The following IL1RN variants were observed in gnomAD, a reference collection of about 807,000 sequenced individuals.
IL1RN encodes interleukin-1 receptor antagonist protein.
IL1RN carries 10 observed loss-of-function variants against 13.7 expected under a neutral mutation model. The ratio of observed to expected loss-of-function variants is 0.73; its 90% confidence interval spans 0.45 to 1.24. The LOEUF (loss-of-function observed/expected upper bound fraction) is 1.24. Ranked by LOEUF, IL1RN falls within the 50% of genes most tolerant of loss-of-function variation. The pLI is 0.00. For synonymous variants in IL1RN, 102 were observed against 82.7 expected (o/e 1.23, Z -1.27); for missense variants, 213 against 222.1 (o/e 0.96, Z 0.26).
upstream of IL1RN, among the ~76,000 whole-genome samples, chr2:113,113,540 T>C (rs1264362511): frequency 2.0e-5 from 3 of 152,118 alleles, no homozygotes; most frequent in South Asian, 2.1e-4. Context: ...CTGTATTGTA[T>C]ACTTAAAATT....
upstream of IL1RN, among the ~76,000 whole-genome samples, chr2:113,109,154 C>T (rs114350795): frequency 4.3e-3 from 658 of 151,984 alleles, 8 homozygotes; most frequent in African/African-American, 0.015. Context: ...AAGTCATGCC[C>T]GTAATCCCAG....
chr2:113,121,060 C>CTCTTCTTCTTCT (rs1686761587), intron 2 of IL1RN, among the ~76,000 whole-genome samples: 1 of 66,524 alleles, frequency 1.5e-5, no homozygotes, highest in South Asian at 6.6e-4. Flanking sequence ...CTTCTTCTTC[C>CTCTTCTTCTTCT]TCCTCCTCCT....
chr2:113,133,093 G>A lies in IL1RN; in HGVS notation c.*222G>A. The A allele has an allele frequency of 3.3e-6, 2 of 612,546 alleles. No individual in the cohort carries two copies. Among genetic ancestry groups the A allele is most frequent in the Non-Finnish European group, 5.9e-6 (2 of 340,532 alleles). The allele number at this position is 612,546 out of a possible 1,614,324, so 37.9% of individuals were successfully genotyped here. On this transcript the variant is annotated 3_prime_UTR_variant, in exon 4 of 4. Transcript: ENST00000409930. ...AATGGTCTTTCTAATGTGTGAATCA[G>A]AGCACAGCAGCCCCTGCACAAAGCC... is the stretch of plus-strand genomic sequence containing the variant.
chr2:113,127,915 T>C (rs1168117048), intron 1 of IL1RN, among the ~76,000 whole-genome samples, 175 bp downstream of exon 1: 1 of 152,214 alleles, frequency 6.6e-6, no homozygotes, highest in Admixed American at 6.5e-5. Flanking sequence ...GGACTTGTGT[T>C]TCAAAATATC....
chr2:113,131,776 C>T (rs1687180146), intron 3 of IL1RN, among the ~76,000 whole-genome samples: 1 of 152,138 alleles, frequency 6.6e-6, no homozygotes. Flanking sequence ...CCCTGTGCTC[C>T]TTTATCTCAT....
upstream of IL1RN, among the ~76,000 whole-genome samples, chr2:113,113,948 C>T (rs533190232): frequency 3.9e-5 from 6 of 152,240 alleles, no homozygotes; most frequent in African/African-American, 1.4e-4. Context: ...GATTAGTTCC[C>T]TCTGTTTATT....
chr2:113,101,772 A>C, the IL1RN span, among the ~76,000 whole-genome samples: 2 of 151,868 alleles, frequency 1.3e-5, no homozygotes, highest in Non-Finnish European at 2.9e-5. Flanking sequence ...TTCTTTTTTT[A>C]TTTTTATTTT....
chr2:113,114,667 T>TTG (rs149784663), upstream of IL1RN, among the ~76,000 whole-genome samples: 5 of 151,076 alleles, frequency 3.3e-5, no homozygotes, highest in Non-Finnish European at 5.9e-5. Context: ...GTGTCTGTGT[T>TTG]TGTGTGTGTG....
the IL1RN span, among the ~76,000 whole-genome samples, chr2:113,100,389 G>A: frequency 1.4e-3 from 207 of 151,960 alleles, 1 homozygote; most frequent in African/African-American, 4.8e-3. Context: ...TTCATGTTCA[G>A]GCCAACAGGT....
intron 2 of IL1RN, among the ~76,000 whole-genome samples, chr2:113,122,167 A>G (rs1686801057): frequency 6.6e-6 from 1 of 152,242 alleles, no homozygotes; most frequent in African/African-American, 2.4e-5. Context: ...CTGGATGCCA[A>G]CATTTCACAA....
At chr2:113,128,658 G>A (rs1206529105) in intron 1 of IL1RN, among the ~76,000 whole-genome samples, 1 of 152,130 alleles carries the variant, frequency 6.6e-6, no homozygotes, top group Non-Finnish European at 1.5e-5. Context: ...TCACAAACAG[G>A]CCAATGCTGC....
chr2:113,131,600 C>T (rs945057730), intron 3 of IL1RN, among the ~76,000 whole-genome samples: 3 of 152,122 alleles, frequency 2.0e-5, no homozygotes, highest in Admixed American at 6.5e-5. Context: ...CTGGGGGCCA[C>T]CACTGTAACC....
At chr2:113,127,339 CTCT>C, upstream of IL1RN, 1 of 447,946 alleles carries the variant, frequency 2.2e-6, no homozygotes, top group South Asian at 9.6e-5. Context: ...TTCCATTGTG[CTCT>C]TCTTCCCAGG....
chr2:113,129,496 T>C (rs1352193386), intron 1 of IL1RN, 80 bp from the exon 2 acceptor site: 3 of 875,836 alleles, frequency 3.4e-6, no homozygotes, highest in Non-Finnish European at 5.9e-6. Flanking sequence ...TGACAAGTTC[T>C]GGGGGACACA....
chr2:113,131,137 G>A lies in IL1RN; in HGVS notation c.298G>A (p.Glu100Lys), dbSNP rs764209607. 5.3e-5 allele frequency: 85 copies of A among 1,606,684 alleles called. No homozygotes were observed. Among genetic ancestry groups the A allele is most frequent in the Non-Finnish European group, 7.2e-5 (84 of 1,173,310 alleles). Residue 100 changes from glutamate (E) to lysine (K), a missense_variant, in exon 3 of 4, where the codon GAG becomes AAG. Physicochemically the swap from Glu to Lys is moderately conservative, Grantham distance 56. Transcript: ENST00000409930. ...CCTGTCCTGTGTCAAGTCTGGTGATGAGACCAGACTCCAGCTGGAGGTAAA... is the reference window on the plus strand; with the variant it reads ...CCTGTCCTGTGTCAAGTCTGGTGATAAGACCAGACTCCAGCTGGAGGTAAA... ...MCLSCVKSGD[E>K]TRLQLEAVNI...
intron 3 of IL1RN, among the ~76,000 whole-genome samples, chr2:113,132,047 T>A (rs1309170729): frequency 6.6e-6 from 1 of 152,244 alleles, no homozygotes; most frequent in East Asian, 1.9e-4. Context: ...CTTCTGCTGA[T>A]GGTGCCGTGT....
chr2:113,106,978 T>C (rs1291981858), upstream of IL1RN, among the ~76,000 whole-genome samples: 1 of 152,162 alleles, frequency 6.6e-6, no homozygotes, highest in Non-Finnish European at 1.5e-5. Context: ...AAAATGAATA[T>C]AGTTAAAGAA....
chr2:113,124,115 G>C (rs947721484), upstream of IL1RN, among the ~76,000 whole-genome samples: 1 of 152,098 alleles, frequency 6.6e-6, no homozygotes, highest in Non-Finnish European at 1.5e-5. Context: ...AGTAGCACAG[G>C]GCTCAGCACA....
chr2:113,127,525 G>A, upstream of IL1RN: 3 of 1,515,104 alleles, frequency 2.0e-6, no homozygotes, highest in Non-Finnish European at 1.8e-6. Context: ...CTCGCAGTGG[G>A]GCAGGGTGGC....
Sources: allele counts gnomAD v4.1 joint callset (sites outside exome capture counted in the v4.1 genomes callset), GRCh38; gene constraint gnomAD v4.1.1; transcripts MANE v1.5; gene names NCBI Gene and HGNC (gene_info 2026-07-23, HGNC 2026-07-21).